GAB1: variants seen among roughly 807,000 people sequenced by gnomAD.
The protein encoded by GAB1 is GRB2-associated-binding protein 1.
In GAB1, 19 loss-of-function variants were observed where a neutral mutation model predicts 66.5. The observed-to-expected ratio is 0.29, with a 90% CI of 0.20 to 0.42. The LOEUF is 0.42. GAB1 is among the 10% of genes least tolerant of loss of function. GAB1 has a pLI of 1.00. For missense variants in GAB1, 732 were observed against 858.5 expected, an observed-to-expected ratio of 0.85 and a Z score of 1.84; for synonymous variants, 294 against 301.4, an observed-to-expected ratio of 0.98 and a Z score of 0.25.
intron 1 of GAB1, among the ~76,000 whole-genome samples, chr4:143,387,009 A>C (rs1217806022): frequency 6.6e-6 from 1 of 152,200 alleles, no homozygotes. Context: ...GCCACAGTAA[A>C]GAGAATGATA....
At chr4:143,357,044 TGGGTG>T (rs1729472884) in intron 1 of GAB1, among the ~76,000 whole-genome samples, 1 of 152,176 alleles carries the variant, frequency 6.6e-6, no homozygotes, top group South Asian at 2.1e-4. Flanking sequence ...TAATCTATCC[TGGGTG>T]GGTTTGAGTT....
At chr4:143,389,048 G>T (rs1466738103) in intron 1 of GAB1, among the ~76,000 whole-genome samples, 1 of 152,190 alleles carries the variant, frequency 6.6e-6, no homozygotes, top group African/African-American at 2.4e-5. Flanking sequence ...GCCTGCCAGG[G>T]ACACACCTGA....
At chr4:143,427,238 A>G (rs1276919245) in intron 2 of GAB1, among the ~76,000 whole-genome samples, 1 of 152,154 alleles carries the variant, frequency 6.6e-6, no homozygotes, top group Admixed American at 6.5e-5. Flanking sequence ...CTTTATAATA[A>G]GGATAAGGAT....
chr4:143,371,140 G>T (rs1730105399), intron 1 of GAB1, among the ~76,000 whole-genome samples: 1 of 152,038 alleles, frequency 6.6e-6, no homozygotes, highest in Non-Finnish European at 1.5e-5. Flanking sequence ...TTCCACAATG[G>T]TTGAACTAGT....
intron 6 of GAB1, among the ~76,000 whole-genome samples, chr4:143,448,218 C>T (rs960014234): frequency 1.3e-5 from 2 of 151,874 alleles, no homozygotes; most frequent in Non-Finnish European, 2.9e-5. Flanking sequence ...ATTTTTGCAT[C>T]AATGTTCATC....
At position 143,431,852 on chromosome 4, in the gene GAB1, C is replaced by G. The variant is rs149563187; in HGVS notation, c.368-1639C>G. On this transcript the variant is annotated intron_variant, in intron 2 of 9. Coordinates refer to ENST00000262994, the MANE Select transcript of GAB1 (RefSeq NM_002039.4). ...AGATTGGCTAAAGCTTAAGCCCAACCTCACAAATCCTTTTTCATAACTAAA... is the reference window on the plus strand; with the variant it reads ...AGATTGGCTAAAGCTTAAGCCCAACGTCACAAATCCTTTTTCATAACTAAA... 1.1e-3 allele frequency among the ~76,000 whole-genome samples: 162 copies of G among 152,194 alleles called. 1 individual carries two copies. Among genetic ancestry groups the G allele is most frequent in the African/African-American group, 3.7e-3 (153 of 41,524 alleles).
intron 2 of GAB1, among the ~76,000 whole-genome samples, chr4:143,419,235 A>G (rs1732883843): frequency 6.6e-6 from 1 of 152,146 alleles, no homozygotes; most frequent in South Asian, 2.1e-4. Flanking sequence ...GTGCATATAT[A>G]TATGTGTAAA....
chr4:143,382,398 G>A (rs1382196129), intron 1 of GAB1, among the ~76,000 whole-genome samples: 1 of 152,172 alleles, frequency 6.6e-6, no homozygotes, highest in South Asian at 2.1e-4. Context: ...AATAACAAGT[G>A]AAAGTGTGTT....
At chr4:143,373,870 T>TAAATAAATAAATAAATAAATAAATAA (rs1261588757) in intron 1 of GAB1, among the ~76,000 whole-genome samples, 8 of 126,864 alleles carry the variant, frequency 6.3e-5, no homozygotes, top group Non-Finnish European at 1.2e-4. Flanking sequence ...AATAAATAAA[T>TAAATAAATAAATAAATAAATAAATAA]ATATATATAT....
intron 1 of GAB1, among the ~76,000 whole-genome samples, chr4:143,388,408 C>A (rs1392317848): frequency 6.6e-6 from 1 of 152,054 alleles, no homozygotes; most frequent in East Asian, 1.9e-4. Flanking sequence ...AGTGCAAATG[C>A]AAATAGAGGT....
chr4:143,426,827 G>C (rs1733384349), intron 2 of GAB1, among the ~76,000 whole-genome samples: 1 of 152,132 alleles, frequency 6.6e-6, no homozygotes. Flanking sequence ...GAATATTATA[G>C]TTAAATACAT....
chr4:143,453,645 G>T (rs530399046), intron 6 of GAB1, among the ~76,000 whole-genome samples: 1 of 152,106 alleles, frequency 6.6e-6, no homozygotes, highest in Non-Finnish European at 1.5e-5. Context: ...TTAGTTGAGA[G>T]AACTTACTGT....
chr4:143,453,916 G>A (rs1206396526), intron 6 of GAB1, among the ~76,000 whole-genome samples: 1 of 152,144 alleles, frequency 6.6e-6, no homozygotes, highest in African/African-American at 2.4e-5. Context: ...AGGTTTTAGA[G>A]TGTCTAGTAC....
Position 143,429,250 on chromosome 4 carries a change from G to A in GAB1, c.368-4241G>A, listed in dbSNP as rs189307531. ...CCTGAACAGCTGGTACTACAGGCAC[G>A]TGCCACCACACCTGGCTAATTTTTG... On this transcript the variant is annotated intron_variant, in intron 2 of 9. Transcript: ENST00000262994. 4.7e-3 allele frequency among the ~76,000 whole-genome samples: 712 copies of A among 152,116 alleles called. 5 individuals carry two copies. Among genetic ancestry groups the A allele is most frequent in the African/African-American group, 0.017 (686 of 41,492 alleles).
chr4:143,388,934 A>C (rs1214962893), intron 1 of GAB1, among the ~76,000 whole-genome samples: 1 of 152,220 alleles, frequency 6.6e-6, no homozygotes, highest in Non-Finnish European at 1.5e-5. Flanking sequence ...AGGCATAAGG[A>C]GGAGCATGTG....
At position 143,474,138 on chromosome 4, in the gene GAB1, A is replaced by C. The variant is rs746003946; in HGVS notation, c.*4949A>C. On this transcript the variant is annotated 3_prime_UTR_variant, in exon 10 of 10. Coordinates refer to ENST00000262994, the MANE Select transcript of GAB1 (RefSeq NM_002039.4). ...GTGATTGGGTAACATGTCCCCTTAG[A>C]TTTCCTGATTTAAAATTATACAAAA... The C allele has an allele frequency of 3.9e-5, 6 of 152,152 alleles. No homozygotes were observed. The highest frequency in any genetic ancestry group is 1.3e-4 in the Admixed American group (2 of 15,260). The allele number at this position is 152,152 out of a possible 1,614,324, so 9.4% of individuals were successfully genotyped here. A position where few individuals can be genotyped will look rare whatever the true frequency, so the allele number is the denominator to read the frequency against.
chr4:143,440,251 T>G lies in GAB1; in HGVS notation c.1454T>G (p.Phe485Cys). Residue 485 changes from phenylalanine (F) to cysteine (C), a missense_variant, in exon 6 of 10, where the codon TTT becomes TGT. By Grantham distance (205) the Phe-to-Cys change is radical. Coordinates refer to ENST00000262994, the MANE Select transcript of GAB1 (RefSeq NM_002039.4). ...CCAGGAACATTTGATTTTTCCTCAT[T>G]TGGAATGCAAGTTCCTCCTCCTGCT... is the stretch of plus-strand genomic sequence containing the variant. ...MTPGTFDFSS[F>C]GMQVPPPAHM... 1 of 1,614,122 alleles carries G rather than the reference T, an allele frequency of 6.2e-7. No homozygotes were observed. Among genetic ancestry groups the G allele is most frequent in the Non-Finnish European group, 8.5e-7 (1 of 1,180,020 alleles).
chr4:143,408,514 C>A (rs537943479), intron 1 of GAB1, among the ~76,000 whole-genome samples: 4 of 152,058 alleles, frequency 2.6e-5, no homozygotes, highest in Admixed American at 1.3e-4. Flanking sequence ...GAAGTATATA[C>A]CATGTGTACA....
In GAB1 at chr4:143,446,764, A is replaced by G. The variant is rs905530880; in HGVS notation, c.1585+6382A>G. 3.3e-4 allele frequency among the ~76,000 whole-genome samples: 50 copies of G among 152,034 alleles called. 1 individual carries two copies. The highest frequency in any genetic ancestry group is 1.2e-3 in the African/African-American group (50 of 41,504). ...TAAGTTGCCTGTTCACTCTGATGGT[A>G]GTTTCTTTTGCTGTGCAGAAGCTCT... On this transcript the variant is annotated intron_variant, in intron 6 of 9. Coordinates refer to ENST00000262994, the MANE Select transcript of GAB1 (RefSeq NM_002039.4).
Sources: gnomAD v4.1 joint callset for allele counts (sites outside exome capture counted in the v4.1 genomes callset) on GRCh38, gnomAD v4.1.1 for gene constraint, MANE v1.5 for transcripts, NCBI Gene and HGNC (gene_info 2026-07-23, HGNC 2026-07-21) for gene names.